MYLK: variants seen among roughly 807,000 people sequenced by gnomAD.
MYLK encodes the protein myosin light chain kinase.
MYLK carries 106 observed loss-of-function variants against 203.4 expected under a neutral mutation model. That is an observed-to-expected ratio of 0.52 (90% CI 0.45 to 0.61). The LOEUF is 0.61. MYLK is among the 20% of genes least tolerant of loss of function. The probability of loss-of-function intolerance (pLI) is 0.00; values close to 1 mark genes in which losing one functional copy is unlikely to be tolerated. For synonymous variants in MYLK, 867 were observed against 959.5 expected (o/e 0.90, Z 1.78); for missense variants, 2,072 against 2,442.3 (o/e 0.85, Z 3.20).
At chr3:123,754,114 C>T (rs1170746149) in intron 4 of MYLK, among the ~76,000 whole-genome samples, 1 of 152,316 alleles carries the variant, frequency 6.6e-6, no homozygotes, top group South Asian at 2.1e-4. Flanking sequence ...CGGTCGTTGT[C>T]TTTGGACTGT....
chr3:123,775,831 G>A (rs905275954), intron 4 of MYLK, among the ~76,000 whole-genome samples: 3 of 152,102 alleles, frequency 2.0e-5, no homozygotes, highest in Non-Finnish European at 2.9e-5. Flanking sequence ...GAAGAAGATG[G>A]TTCTCCTTAA....
chr3:123,737,685 C>G (rs2062726824), intron 7 of MYLK, 142 bp from the exon 8 acceptor site: 20 of 1,102,780 alleles, frequency 1.8e-5, no homozygotes, highest in Non-Finnish European at 2.7e-5. Flanking sequence ...TCAATGTGCT[C>G]AGAGAGCCAA....
In MYLK at chr3:123,634,891, T is replaced by C. The variant is rs575067464; in HGVS notation, c.4961+3180A>G. On this transcript the variant is annotated intron_variant, in intron 29 of 33. Transcript: ENST00000360304. ...TTCTCACTTCCTGCCAGAAACCACA[T>C]GGGTATTGCTAACTTCAGAAGGTCT... Among the ~76,000 whole-genome samples, 9 of 152,304 alleles carry C rather than the reference T, an allele frequency of 5.9e-5. No homozygotes were observed. The East Asian group carries it at 1.5e-3, about 26-fold the overall frequency.
chr3:123,870,383 C>T (rs1263785319), intron 2 of MYLK, among the ~76,000 whole-genome samples: 1 of 152,176 alleles, frequency 6.6e-6, no homozygotes, highest in Non-Finnish European at 1.5e-5. Context: ...AGCAGAGTAC[C>T]ACTGAAGGGC....
chr3:123,780,805 A>G (rs754390099), intron 4 of MYLK, among the ~76,000 whole-genome samples: 43 of 152,216 alleles, frequency 2.8e-4, no homozygotes, highest in Non-Finnish European at 5.3e-4. Context: ...CGGGCCGGGC[A>G]CTGTCCTAGG....
intron 10 of MYLK, 38 bp downstream of exon 10, chr3:123,733,649 C>T: frequency 3.7e-6 from 6 of 1,611,646 alleles, no homozygotes; most frequent in South Asian, 2.2e-5. Flanking sequence ...CAAGGGGCTA[C>T]ATTTTGGCAA....
chr3:123,769,207 A>G (rs1324001696), intron 4 of MYLK, among the ~76,000 whole-genome samples: 4 of 152,148 alleles, frequency 2.6e-5, no homozygotes, highest in African/African-American at 7.2e-5. Context: ...CTGATGAGAG[A>G]TTTACGAGCA....
chr3:123,803,758 C>T (rs7613712), intron 3 of MYLK, among the ~76,000 whole-genome samples: 14,534 of 152,250 alleles, frequency 0.095, 1,096 homozygotes, highest in East Asian at 0.4. Context: ...CAGGCAGGCA[C>T]ACCTGGTCCT....
intron 4 of MYLK, among the ~76,000 whole-genome samples, chr3:123,754,548 C>T (rs1576856334): frequency 4.6e-5 from 7 of 152,328 alleles, no homozygotes; most frequent in Admixed American, 3.9e-4. Flanking sequence ...ATTGTAGCCT[C>T]ACCAAAACAA....
At chr3:123,680,100 G>A (rs1007929715) in intron 20 of MYLK, among the ~76,000 whole-genome samples, 1 of 152,228 alleles carries the variant, frequency 6.6e-6, no homozygotes, top group Non-Finnish European at 1.5e-5. Context: ...CTCCCCAGGT[G>A]AATATAACAC....
chr3:123,705,105 C>G (rs926059054), intron 16 of MYLK, among the ~76,000 whole-genome samples: 2 of 152,114 alleles, frequency 1.3e-5, no homozygotes, highest in African/African-American at 4.8e-5. Flanking sequence ...CAGGGACAGG[C>G]AGGATCTGCC....
chr3:123,637,954 G>T, intron 29 of MYLK, 117 bp downstream of exon 29: 2 of 1,483,088 alleles, frequency 1.3e-6, no homozygotes, highest in South Asian at 2.4e-5. Flanking sequence ...GACTCTGGGG[G>T]GGGCTCCCCA....
At chr3:123,695,848 C>T (rs2060901722) in intron 18 of MYLK, among the ~76,000 whole-genome samples, 1 of 152,186 alleles carries the variant, frequency 6.6e-6, no homozygotes, top group South Asian at 2.1e-4. Flanking sequence ...AAGCTCTTCT[C>T]AGGCCACCAC....
intron 16 of MYLK, among the ~76,000 whole-genome samples, chr3:123,704,512 C>G (rs1219314886): frequency 6.6e-6 from 1 of 152,186 alleles, no homozygotes; most frequent in Non-Finnish European, 1.5e-5. Context: ...TTACTAAGCT[C>G]TGAATAAGAG....
At chr3:123,734,315 A>G in intron 9 of MYLK, 93 bp from the exon 10 acceptor site, 1 of 1,280,888 alleles carries the variant, frequency 7.8e-7, no homozygotes, top group South Asian at 1.7e-5. Context: ...CATCACAAGC[A>G]CGGATTCCAG....
intron 2 of MYLK, among the ~76,000 whole-genome samples, chr3:123,866,311 T>C (rs1448754912): frequency 2.6e-5 from 4 of 152,128 alleles, no homozygotes; most frequent in Admixed American, 6.5e-5. Flanking sequence ...CCAGGGAGGA[T>C]TGAGACCTTT....
At position 123,700,778 on chromosome 3, in the gene MYLK, A is replaced by G. The variant is rs1189140530; in HGVS notation, c.2690T>C (p.Phe897Ser). The stretch of plus-strand genomic sequence containing the variant: ...CACCTTCTTCCCCAGGAGGTCTCGG[A>G]AGTCCAGCTGCTCCACCTCCTGCTG... The part of the protein sequence containing the change: ...IRQQEVEQLD[F>S]RDLLGKKVST... The change falls in exon 18 of 34, where the codon TTC (phenylalanine) becomes TCC (serine). Residue 897 changes from phenylalanine to serine, a missense_variant. Phe to Ser is a radical substitution (Grantham distance 155). Around this residue, in one of 3 missense-constraint regions of MYLK, gnomAD observed 865 missense variants for 1,016.0 expected, o/e 0.85. Coordinates refer to ENST00000360304, the MANE Select transcript of MYLK (RefSeq NM_053025.4). 4 of 1,614,076 alleles carry G rather than the reference A, an allele frequency of 2.5e-6. No individual in the cohort carries two copies. The highest frequency in any genetic ancestry group is 3.4e-6 in the Non-Finnish European group (4 of 1,180,040).
At chr3:123,626,784 GC>G in intron 31 of MYLK, 33 bp downstream of exon 31, 1 of 1,613,850 alleles carries the variant, frequency 6.2e-7, no homozygotes, top group Non-Finnish European at 8.5e-7. Context: ...AATATGAGGG[GC>G]AACATCCCAG....
At chr3:123,696,255 C>T (rs1035196231) in intron 18 of MYLK, among the ~76,000 whole-genome samples, 2 of 152,144 alleles carry the variant, frequency 1.3e-5, no homozygotes, top group Admixed American at 6.5e-5. Context: ...CACGCAGATA[C>T]ACAGGTTGAT....
Sources: gnomAD v4.1 joint callset for allele counts (sites outside exome capture counted in the v4.1 genomes callset) on GRCh38, gnomAD v4.1.1 for gene constraint, gnomAD v4.1.1 regional missense constraint, MANE v1.5 for transcripts, NCBI Gene and HGNC (gene_info 2026-07-23, HGNC 2026-07-21) for gene names.